The following NAA20 variants were observed in gnomAD, a reference collection of about 807,000 sequenced individuals.
NAA20 encodes the protein N-alpha-acetyltransferase 20.
NAA20 carries 24 observed loss-of-function variants against 23.8 expected under a neutral mutation model. The observed-to-expected ratio is 1.01, with a 90% confidence interval of 0.73 to 1.42. The LOEUF is 1.42. Ranked by LOEUF, NAA20 falls within the 40% of genes most tolerant of loss-of-function variation. The pLI is 0.00. For missense variants in NAA20, 166 were observed against 223.1 expected (o/e 0.74, Z 1.63); for synonymous variants, 83 against 77.7 (o/e 1.07, Z -0.36).
At chr20:20,018,277 C>T (rs1397434603) in intron 1 of NAA20, 1 of 587,370 alleles carries the variant, frequency 1.7e-6, no homozygotes, top group Non-Finnish European at 3.0e-6. Flanking sequence ...AGGAATTTCA[C>T]CATGTGCTTT....
intron 5 of NAA20, 141 bp downstream of exon 5, chr20:20,032,794 C>A: frequency 1.8e-6 from 2 of 1,105,740 alleles, no homozygotes; most frequent in African/African-American, 1.6e-5. Flanking sequence ...CTTTATCAAC[C>A]TATTAGTAGT....
intron 2 of NAA20, among the ~76,000 whole-genome samples, chr20:20,024,154 C>A (rs2043291394): frequency 6.6e-6 from 1 of 152,180 alleles, no homozygotes; most frequent in Non-Finnish European, 1.5e-5. Flanking sequence ...AGTTTGCTAA[C>A]CCCTGAGTTA....
chr20:20,023,139 C>G (rs887567008), intron 2 of NAA20, among the ~76,000 whole-genome samples: 1 of 152,080 alleles, frequency 6.6e-6, no homozygotes, highest in Non-Finnish European at 1.5e-5. Flanking sequence ...AATACAAGAA[C>G]TAGCCAGCCG....
intron 1 of NAA20, 132 bp from the exon 2 acceptor site, chr20:20,022,324 A>G: frequency 1.3e-6 from 1 of 787,844 alleles, no homozygotes; most frequent in South Asian, 1.9e-5. Context: ...TCAGCCCTAA[A>G]GTTGGCCTTA....
intron 1 of NAA20, chr20:20,017,756 A>T: frequency 7.0e-7 from 1 of 1,433,194 alleles, no homozygotes; most frequent in South Asian, 1.5e-5. Flanking sequence ...CGCTGTCAGG[A>T]GGCGCTGGGG....
chr20:20,020,480 G>C (rs1229079216), intron 1 of NAA20, among the ~76,000 whole-genome samples: 1 of 152,236 alleles, frequency 6.6e-6, no homozygotes, highest in African/African-American at 2.4e-5. Context: ...GGCTGGTACA[G>C]AGTGAGCATG....
intron 4 of NAA20, among the ~76,000 whole-genome samples, chr20:20,031,875 G>A (rs1002307788): frequency 6.6e-6 from 1 of 152,212 alleles, no homozygotes; most frequent in African/African-American, 2.4e-5. Context: ...ACCAAGCCTT[G>A]TTGCTGTGGA....
In NAA20 at chr20:20,017,447, CAT is replaced by C. The variant is rs769162037; in HGVS notation, c.52_53del (p.Ile18Ter). 1 of 1,610,630 alleles carries C rather than the reference CAT, an allele frequency of 6.2e-7. No homozygotes were observed. The highest frequency in any genetic ancestry group is 1.3e-5 in the African/African-American group (1 of 74,676). On this transcript the variant is annotated frameshift_variant and splice_region_variant, in exon 1 of 6. Coordinates refer to ENST00000334982, the MANE Select transcript of NAA20 (RefSeq NM_016100.5). LOFTEE classifies it high-confidence loss of function. ...TCDDLFRFNN[I>X]NLDPLTETYG... Reference sequence around the variant, plus strand: ...GCGACGACCTGTTCCGCTTCAACAACATGTGAGTGACACGCGCCTAGGGCCAG... The same window carrying C: ...GCGACGACCTGTTCCGCTTCAACAACGTGAGTGACACGCGCCTAGGGCCAG...
chr20:20,024,418 T>C lies in NAA20; in HGVS notation c.79-1259T>C, dbSNP rs139873591. On this transcript the variant is annotated intron_variant, in intron 2 of 5. Coordinates refer to ENST00000334982, the MANE Select transcript of NAA20 (RefSeq NM_016100.5). ...GTGCAGGCAGCAACAGGACTACATA[T>C]CAGAAACAAAACTGAATGGGAAAAG... 5.5e-3 allele frequency among the ~76,000 whole-genome samples: 830 copies of C among 152,242 alleles called. 7 individuals are homozygous for C. The highest frequency in any genetic ancestry group is 0.019 in the African/African-American group (794 of 41,542).
chr20:20,024,177 CATT>C (rs2043291642), intron 2 of NAA20, among the ~76,000 whole-genome samples: 1 of 152,174 alleles, frequency 6.6e-6, no homozygotes, highest in South Asian at 2.1e-4. Flanking sequence ...CCATTACAAA[CATT>C]ATTTATTGCA....
intron 1 of NAA20, among the ~76,000 whole-genome samples, chr20:20,019,221 A>G (rs577131399): frequency 6.6e-6 from 1 of 152,340 alleles, no homozygotes; most frequent in South Asian, 2.1e-4. Flanking sequence ...TGTTCACTGT[A>G]GAATCCAGGT....
intron 4 of NAA20, among the ~76,000 whole-genome samples, chr20:20,031,004 C>T (rs1157332603): frequency 6.6e-6 from 1 of 152,096 alleles, no homozygotes; most frequent in Non-Finnish European, 1.5e-5. Context: ...ATAAGTGGAG[C>T]GATAAACTAT....
chr20:20,024,355 TAAAG>T (rs1259836804), intron 2 of NAA20, among the ~76,000 whole-genome samples: 2 of 152,134 alleles, frequency 1.3e-5, no homozygotes, highest in African/African-American at 4.8e-5. Flanking sequence ...TCTCTTCACA[TAAAG>T]AAATACTATA....
chr20:20,032,405 T>C (rs2043350136), intron 4 of NAA20, 103 bp from the exon 5 acceptor site: 15 of 1,091,730 alleles, frequency 1.4e-5, no homozygotes, highest in Middle Eastern at 3.1e-4. Flanking sequence ...TTCTGAGTAG[T>C]AGTCAAAGCA....
chr20:20,017,543 C>A, intron 1 of NAA20, 94 bp downstream of exon 1: 1 of 1,475,918 alleles, frequency 6.8e-7, no homozygotes, highest in African/African-American at 1.5e-5. Flanking sequence ...CCCGGCCGGA[C>A]CCCAAGCCCG....
intron 1 of NAA20, chr20:20,018,067 G>A: frequency 6.2e-7 from 1 of 1,614,144 alleles, no homozygotes; most frequent in Non-Finnish European, 8.5e-7. Context: ...TTTAGTTACT[G>A]TAGCTGCGCA....
intron 2 of NAA20, 50 bp from the exon 3 acceptor site, chr20:20,025,627 A>T: frequency 7.3e-7 from 1 of 1,375,860 alleles, no homozygotes; most frequent in Non-Finnish European, 1.0e-6. Context: ...TCCCTTAATG[A>T]AGAACTTTTT....
intron 2 of NAA20, 28 bp from the exon 3 acceptor site, chr20:20,025,649 C>T (rs765215907): frequency 1.9e-5 from 29 of 1,544,066 alleles, no homozygotes; most frequent in Non-Finnish European, 2.6e-5. Context: ...CTGTCCATTA[C>T]TTTTCACACT....
chr20:20,031,076 A>G (rs1272078630), intron 4 of NAA20, among the ~76,000 whole-genome samples: 1 of 152,238 alleles, frequency 6.6e-6, no homozygotes, highest in Non-Finnish European at 1.5e-5. Flanking sequence ...ATTGCAGTCA[A>G]AATCCCAAGC....
Sources: gnomAD v4.1 joint callset for allele counts (sites outside exome capture counted in the v4.1 genomes callset) on GRCh38, gnomAD v4.1.1 for gene constraint, MANE v1.5 for transcripts, NCBI Gene and HGNC (gene_info 2026-07-23, HGNC 2026-07-21) for gene names.